The following PRKAB1 variants were observed in gnomAD, a reference collection of about 807,000 sequenced individuals.
The protein encoded by PRKAB1 is 5'-AMP-activated protein kinase subunit beta-1.
In PRKAB1, 18 loss-of-function variants were observed where a neutral mutation model predicts 32.0. The observed-to-expected ratio is 0.56, with a 90% CI of 0.39 to 0.83. The LOEUF (loss-of-function observed/expected upper bound fraction) is 0.83, where lower values mean the gene tolerates loss of function less well. PRKAB1 is among the 40% of genes least tolerant of loss of function. PRKAB1 has a pLI of 0.00. For synonymous variants in PRKAB1, 141 were observed against 141.4 expected (o/e 1.00, Z 0.02); for missense variants, 263 against 352.6 (o/e 0.75, Z 2.03).
At chr12:119,670,143 G>A (rs542329877) in intron 1 of PRKAB1, among the ~76,000 whole-genome samples, 8 of 152,278 alleles carry the variant, frequency 5.3e-5, no homozygotes, top group South Asian at 2.1e-4. Context: ...ATTTCCAGCC[G>A]CAGGGCTCAG....
chr12:119,674,531 CCT>C lies in PRKAB1; in HGVS notation c.532+82_532+83del. 2 of 1,107,012 alleles carry C rather than the reference CCT, an allele frequency of 1.8e-6. No individual in the cohort carries two copies. Among genetic ancestry groups the C allele is most frequent in the African/African-American group, 1.6e-5 (1 of 64,114 alleles). 68.6% of individuals were successfully genotyped at this position (1,107,012 alleles called of 1,614,324 possible). A position where few individuals can be genotyped will look rare whatever the true frequency, so the allele number is the denominator to read the frequency against. On this transcript the variant is annotated intron_variant, in intron 4 of 6. Transcript: ENST00000229328. The surrounding 1 kb of genome is among the most constrained non-coding windows in gnomAD (Gnocchi z 4.3). The stretch of plus-strand genomic sequence containing the variant: ...TCTAGACATACTCTTGTTTCTCTTG[CCT>C]CTCTTGAGCTGAAGCTGCCCAGTCA...
intron 2 of PRKAB1, 97 bp from the exon 3 acceptor site, chr12:119,673,866 GT>G (rs1301007427): frequency 1.0e-6 from 1 of 989,620 alleles, no homozygotes; most frequent in African/African-American, 1.6e-5. Flanking sequence ...TGAACTCTTG[GT>G]TTTATGTGGA....
At position 119,673,981 on chromosome 12, in the gene PRKAB1, C is replaced by T. The variant is rs1245467754; in HGVS notation, c.341C>T (p.Ala114Val). 1.2e-6 allele frequency: 2 copies of T among 1,613,426 alleles called. No individual in the cohort carries two copies. Among genetic ancestry groups the T allele is most frequent in the South Asian group, 1.1e-5 (1 of 90,996 alleles). Residue 114 changes from alanine to valine, a missense_variant, in exon 3 of 7, where the codon GCC (alanine) becomes GTC (valine). Physicochemically the swap from Ala to Val is moderately conservative, Grantham distance 64. Transcript: ENST00000229328. Reference protein sequence around the residue: ...PLTRSHNNFVAILDLPEGEHQ... With the variant: ...PLTRSHNNFVVILDLPEGEHQ... ...CCTTGCAGCCACAATAACTTTGTAG[C>T]CATCCTGGATCTGCCGGAAGGAGAG...
In PRKAB1 at chr12:119,679,884, C is replaced by T. The variant is rs1245187452; in HGVS notation, c.667-49C>T. 6.3e-7 allele frequency: 1 copy of T among 1,577,156 alleles called. No homozygotes were observed. The highest frequency in any genetic ancestry group is 1.1e-5 in the South Asian group (1 of 90,200). On this transcript the variant is annotated intron_variant, in intron 5 of 6. Transcript: ENST00000229328. The surrounding 1 kb of genome is among the most constrained non-coding windows in gnomAD (Gnocchi z 4.1). ...GGCACTGGGAAGTAAAGGGGAGAAT[C>T]TTGGTTTCCAAATCCCAAATGCTCA...
intron 1 of PRKAB1, 93 bp downstream of exon 1, chr12:119,668,496 C>T: frequency 6.7e-7 from 1 of 1,491,102 alleles, no homozygotes; most frequent in Middle Eastern, 1.7e-4. Flanking sequence ...TCGAAAAACA[C>T]CAGAACGGAG....
chr12:119,668,210 C>T lies in PRKAB1; in HGVS notation c.-35C>T. The T allele has an allele frequency of 6.5e-7, 1 of 1,536,634 alleles. No individual in the cohort carries two copies. Among genetic ancestry groups the T allele is most frequent in the Non-Finnish European group, 8.7e-7 (1 of 1,149,158 alleles). On this transcript the variant is annotated 5_prime_UTR_variant, in exon 1 of 7. Transcript: ENST00000229328. The stretch of plus-strand genomic sequence containing the variant: ...GGGTCCCTTTCCTGCAGTGAGGCGC[C>T]GTCCGCCTTCCCTGTGTCCCCGCAG...
At chr12:119,678,956 T>C (rs2136860325) in intron 5 of PRKAB1, 1 of 152,328 alleles carries the variant, frequency 6.6e-6, no homozygotes, top group South Asian at 2.1e-4. Context: ...GTTGTACTAA[T>C]TTACATGCCC....
intron 2 of PRKAB1, among the ~76,000 whole-genome samples, chr12:119,672,679 A>G (rs1287555142): frequency 6.6e-6 from 1 of 152,216 alleles, no homozygotes; most frequent in Non-Finnish European, 1.5e-5. Flanking sequence ...TGTCACAGAC[A>G]TCTTTCACTT....
Position 119,674,253 on chromosome 12 carries a change from G to A in PRKAB1, c.418-87G>A. 8.5e-7 allele frequency: 1 copy of A among 1,175,388 alleles called. No homozygotes were observed. Among genetic ancestry groups the A allele is most frequent in the Non-Finnish European group, 1.2e-6 (1 of 806,202 alleles). 72.8% of individuals were successfully genotyped at this position (1,175,388 alleles called of 1,614,324 possible). On this transcript the variant is annotated intron_variant, in intron 3 of 6. Transcript: ENST00000229328. This position sits in a 1 kb window ranked among gnomAD's most constrained non-coding sequence, Gnocchi z 4.3. ...GCAGGGTGGCTAGCCAGGAGATGAG[G>A]CCTTCCAGCCAGGAATTCCAAGTCC...
intron 1 of PRKAB1, among the ~76,000 whole-genome samples, chr12:119,668,953 C>T (rs1593328710): frequency 1.3e-5 from 2 of 151,946 alleles, no homozygotes; most frequent in African/African-American, 4.8e-5. Context: ...TTTTAAAAGA[C>T]GGTGGTCTCA....
At chr12:119,677,500 A>G in intron 5 of PRKAB1, 1 of 152,438 alleles carries the variant, frequency 6.6e-6, no homozygotes, top group Non-Finnish European at 1.5e-5. Flanking sequence ...CTGTGCTGGG[A>G]GTGCCCCTGC....
rs1259042050 is a variant in PRKAB1, at chr12:119,680,298, C to T, written c.786C>T (p.Val262=). 6.2e-7 allele frequency: 1 copy of T among 1,614,118 alleles called. No individual in the cohort carries two copies. ...SATHRYKKKY[V]TTLLYKPI ...CCCACCGGTACAAGAAGAAGTACGT[C>T]ACCACCTTGTTATACAAGCCCATAT... is the stretch of plus-strand genomic sequence containing the variant. Residue 262 remains valine, a synonymous_variant, in exon 7 of 7, where the codon GTC becomes GTT. Coordinates refer to ENST00000229328, the MANE Select transcript of PRKAB1 (RefSeq NM_006253.5).
intron 1 of PRKAB1, among the ~76,000 whole-genome samples, chr12:119,670,587 C>T (rs1276702628): frequency 6.6e-6 from 1 of 152,222 alleles, no homozygotes; most frequent in Non-Finnish European, 1.5e-5. Context: ...CTATTTAAGA[C>T]ACCAAAGGAA....
At chr12:119,680,106 A>AG in intron 6 of PRKAB1, 105 bp downstream of exon 6, 1 of 1,501,014 alleles carries the variant, frequency 6.7e-7, no homozygotes, top group Non-Finnish European at 9.2e-7. Context: ...GGCAGCTTCC[A>AG]GGGTCTGGCA....
Position 119,674,194 on chromosome 12 carries a change from C to A in PRKAB1, c.417+137C>A. 9.9e-7 allele frequency: 1 copy of A among 1,011,568 alleles called. No homozygotes were observed. The highest frequency in any genetic ancestry group is 2.9e-4 in the Middle Eastern group (1 of 3,458). The allele number at this position is 1,011,568 out of a possible 1,614,324, so 62.7% of individuals were successfully genotyped here. On this transcript the variant is annotated intron_variant, in intron 3 of 6. Transcript: ENST00000229328. The surrounding 1 kb of genome is among the most constrained non-coding windows in gnomAD (Gnocchi z 4.3). ...GTGGCAGAGCTGAGTAGCAGCACTA[C>A]CTGTCAGACAGTTGGCATACTTGAC... is the stretch of plus-strand genomic sequence containing the variant.
In PRKAB1 at chr12:119,680,612, G is replaced by A; in HGVS notation, c.*287G>A. ...GAGGATCTGCAGCCCTGGCCCCGCG[G>A]TGCATGAGGCTGGGTGCAGTTCTAA... On this transcript the variant is annotated 3_prime_UTR_variant, in exon 7 of 7. Transcript: ENST00000229328. The A allele has an allele frequency of 4.4e-6, 2 of 454,648 alleles. No individual in the cohort carries two copies. Among genetic ancestry groups the A allele is most frequent in the South Asian group, 6.7e-5 (2 of 30,038 alleles). 28.2% of individuals were successfully genotyped at this position (454,648 alleles called of 1,614,324 possible). A position where few individuals can be genotyped will look rare whatever the true frequency, so the allele number is the denominator to read the frequency against.
In PRKAB1 at chr12:119,679,347, T is replaced by C; in HGVS notation, c.667-586T>C. 1 of 153,532 alleles carries C rather than the reference T, an allele frequency of 6.5e-6. No individual in the cohort carries two copies. Among genetic ancestry groups the C allele is most frequent in the Middle Eastern group, 3.2e-3 (1 of 316 alleles). 9.5% of individuals were successfully genotyped at this position (153,532 alleles called of 1,614,324 possible). A position where few individuals can be genotyped will look rare whatever the true frequency, so the allele number is the denominator to read the frequency against. ...TAAGCCTACAGCAGTTGTTCTACAC[T>C]TTTTTCCATTTGAATTGCATTTATA... On this transcript the variant is annotated intron_variant, in intron 5 of 6. Transcript: ENST00000229328. The surrounding 1 kb of genome is among the most constrained non-coding windows in gnomAD (Gnocchi z 4.1).
In PRKAB1 at chr12:119,668,188, T is replaced by G. The variant is rs1027806748; in HGVS notation, c.-57T>G. 5 of 1,478,878 alleles carry G rather than the reference T, an allele frequency of 3.4e-6. No homozygotes were observed. Among genetic ancestry groups the G allele is most frequent in the Middle Eastern group, 2.5e-4 (1 of 4,070 alleles). The allele number at this position is 1,478,878 out of a possible 1,614,324, so 91.6% of individuals were successfully genotyped here. A position where few individuals can be genotyped will look rare whatever the true frequency, so the allele number is the denominator to read the frequency against. ...GGTTCCGGGAGTCCCTTGCTCAGGG[T>G]CCCTTTCCTGCAGTGAGGCGCCGTC... On this transcript the variant is annotated 5_prime_UTR_variant, in exon 1 of 7. Coordinates refer to ENST00000229328, the MANE Select transcript of PRKAB1 (RefSeq NM_006253.5).
At position 119,679,640 on chromosome 12, in the gene PRKAB1, C is replaced by A. The variant is rs932144396; in HGVS notation, c.667-293C>A. 2.4e-6 allele frequency: 1 copy of A among 423,736 alleles called. No homozygotes were observed. The highest frequency in any genetic ancestry group is 2.0e-5 in the African/African-American group (1 of 49,458). The allele number at this position is 423,736 out of a possible 1,614,324, so 26.2% of individuals were successfully genotyped here. A position where few individuals can be genotyped will look rare whatever the true frequency, so the allele number is the denominator to read the frequency against. ...TAATAGCTGCTTTCTTCCTGCCCCA[C>A]CCTCCATAAGAGGACAGGGCCGTGG... On this transcript the variant is annotated intron_variant, in intron 5 of 6. Coordinates refer to ENST00000229328, the MANE Select transcript of PRKAB1 (RefSeq NM_006253.5). This position sits in a 1 kb window ranked among gnomAD's most constrained non-coding sequence, Gnocchi z 4.1.
Sources: allele counts gnomAD v4.1 joint callset (sites outside exome capture counted in the v4.1 genomes callset), GRCh38; gene constraint gnomAD v4.1.1; non-coding constraint Gnocchi (gnomAD v3.1); transcripts MANE v1.5; gene names NCBI Gene and HGNC (gene_info 2026-07-23, HGNC 2026-07-21).